Variants in ZFAT observed in about 807,000 individuals in gnomAD.
ZFAT encodes zinc finger protein ZFAT.
Under a neutral mutation model 117.7 loss-of-function variants are expected in ZFAT, and 64 were observed. That is an observed-to-expected ratio of 0.54 (90% CI 0.44 to 0.67). The LOEUF (loss-of-function observed/expected upper bound fraction) is 0.67, where lower values mean the gene tolerates loss of function less well. Among genes scored for constraint, ZFAT ranks in the 30% least tolerant of loss-of-function variants. The pLI is 0.00. For missense variants in ZFAT, 1,433 were observed against 1,584.5 expected (o/e 0.90, Z 1.62); for synonymous variants, 679 against 615.0 (o/e 1.10, Z -1.54).
At chr8:134,739,612 A>C in the ZFAT span, among the ~76,000 whole-genome samples, 1 of 152,222 alleles carries the variant, frequency 6.6e-6, no homozygotes, top group Non-Finnish European at 1.5e-5. Context: ...AATGAGATGC[A>C]GAGATACAGG....
Position 134,512,573 on chromosome 8 carries a change from G to A in ZFAT, c.3263C>T (p.Ser1088Phe). 1 of 1,613,870 alleles carries A rather than the reference G, an allele frequency of 6.2e-7. No individual in the cohort carries two copies. Among genetic ancestry groups the A allele is most frequent in the East Asian group, 2.2e-5 (1 of 44,884 alleles). Reference protein sequence around the residue: ...ETATEAPEEPSTQYLHITEAE... With the variant: ...ETATEAPEEPFTQYLHITEAE... ...CTCTGTGATGTGGAGATACTGGGTG[G>A]AGGGCTCCTCAGGAGCTTCTGTTGC... is the stretch of plus-strand genomic sequence containing the variant. Residue 1088 changes from serine to phenylalanine, a missense_variant, in exon 14 of 16, where the codon TCC (serine) becomes TTC (phenylalanine). Physicochemically the swap from Ser to Phe is radical, Grantham distance 155. Coordinates refer to ENST00000377838, the MANE Select transcript of ZFAT (RefSeq NM_020863.4).
At chr8:134,832,152 G>A in the ZFAT span, among the ~76,000 whole-genome samples, 1 of 150,628 alleles carries the variant, frequency 6.6e-6, no homozygotes, top group African/African-American at 2.4e-5. Flanking sequence ...GCGGGGGGCA[G>A]GGGGCGCGGC....
intron 1 of ZFAT, among the ~76,000 whole-genome samples, chr8:134,704,641 T>C (rs577945956): frequency 7.2e-5 from 11 of 152,302 alleles, no homozygotes; most frequent in African/African-American, 2.2e-4. Context: ...ATCAAGGCAG[T>C]GTGGTACTGA....
the ZFAT span, chr8:134,800,563 G>C: frequency 2.7e-5 from 14 of 517,980 alleles, no homozygotes; most frequent in Middle Eastern, 1.3e-3. Flanking sequence ...GCCAATCCAT[G>C]TATTACAGCT....
intron 1 of ZFAT, among the ~76,000 whole-genome samples, chr8:134,662,587 G>A (rs1831987063): frequency 6.6e-6 from 1 of 152,168 alleles, no homozygotes; most frequent in African/African-American, 2.4e-5. Flanking sequence ...GCCTGGGGAA[G>A]GTTTGCTCTA....
At chr8:134,819,497 C>G in the ZFAT span, among the ~76,000 whole-genome samples, 2 of 15,046 alleles carry the variant, frequency 1.3e-4, no homozygotes, top group Non-Finnish European at 2.7e-4. Flanking sequence ...GGATTTACCA[C>G]CCCCCCCCCC....
intron 7 of ZFAT, among the ~76,000 whole-genome samples, chr8:134,590,596 C>A (rs1220065565): frequency 6.6e-6 from 1 of 151,312 alleles, no homozygotes; most frequent in African/African-American, 2.4e-5. Context: ...ATCATCACCA[C>A]CACCAGCACT....
chr8:134,640,390 T>A (rs949604959), intron 2 of ZFAT, among the ~76,000 whole-genome samples: 1 of 152,150 alleles, frequency 6.6e-6, no homozygotes, highest in African/African-American at 2.4e-5. Context: ...AAACTTACTA[T>A]TGCGGGGTAG....
chr8:134,509,871 G>T, intron 14 of ZFAT, 122 bp from the exon 15 acceptor site: 3 of 1,252,312 alleles, frequency 2.4e-6, no homozygotes, highest in Non-Finnish European at 3.3e-6. Flanking sequence ...TGGGCTCTCC[G>T]TAATCGCTCA....
At position 134,695,638 on chromosome 8, in the gene ZFAT, G is replaced by A. The variant is rs184724723; in HGVS notation, c.19+17207C>T. The stretch of plus-strand genomic sequence containing the variant: ...TGCCCGCATCTCTAACCAAGGTGGC[G>A]CCACTCCCCAAGCCTGGGTCATCTC... On this transcript the variant is annotated intron_variant, in intron 1 of 15. Coordinates refer to ENST00000377838, the MANE Select transcript of ZFAT (RefSeq NM_020863.4). Among the ~76,000 whole-genome samples, 534 of 139,928 alleles carry A rather than the reference G, an allele frequency of 3.8e-3. 4 individuals carry two copies. Among genetic ancestry groups the A allele is most frequent in the Middle Eastern group, 0.015 (3 of 198 alleles). 91.8% of individuals were successfully genotyped at this position (139,928 alleles called of 152,430 possible). A position where few individuals can be genotyped will look rare whatever the true frequency, so the allele number is the denominator to read the frequency against.
chr8:134,616,221 G>T (rs1195742715), intron 3 of ZFAT, among the ~76,000 whole-genome samples: 1 of 152,188 alleles, frequency 6.6e-6, no homozygotes, highest in Admixed American at 6.5e-5. Flanking sequence ...CTCATCCCCA[G>T]CATTAGGTCT....
intron 1 of ZFAT, among the ~76,000 whole-genome samples, chr8:134,711,836 G>A (rs368817614): frequency 3.3e-5 from 5 of 152,244 alleles, no homozygotes; most frequent in East Asian, 3.9e-4. Context: ...TTGAACTAAA[G>A]TCAGGAAAGG....
At chr8:134,773,376 C>T in the ZFAT span, among the ~76,000 whole-genome samples, 2 of 152,308 alleles carry the variant, frequency 1.3e-5, no homozygotes, top group African/African-American at 4.8e-5. Flanking sequence ...ACCACTGCTG[C>T]TTGTTGACAA....
the ZFAT span, among the ~76,000 whole-genome samples, chr8:134,803,069 T>C: frequency 1.3e-5 from 2 of 152,188 alleles, no homozygotes; most frequent in African/African-American, 4.8e-5. Context: ...ATAGAACAAA[T>C]GTTACATAAC....
At chr8:134,629,183 T>C (rs1829718593) in intron 3 of ZFAT, among the ~76,000 whole-genome samples, 1 of 152,142 alleles carries the variant, frequency 6.6e-6, no homozygotes, top group African/African-American at 2.4e-5. Context: ...TGGGGGCCAG[T>C]CAGCAGGATG....
At position 134,710,739 on chromosome 8, in the gene ZFAT, AAT is replaced by A. The variant is rs1813962405; in HGVS notation, c.19+2104_19+2105del. 7.9e-5 allele frequency among the ~76,000 whole-genome samples: 12 copies of A among 152,362 alleles called. No individual in the cohort carries two copies. The South Asian group carries it at 2.5e-3, about 32-fold the overall frequency. On this transcript the variant is annotated intron_variant, in intron 1 of 15. Transcript: ENST00000377838. ...ACACACAGTCTGAAGGTAATTTTACAATATTTTTAATTTTGATCATGAAACAA... is the reference window on the plus strand; with the variant it reads ...ACACACAGTCTGAAGGTAATTTTACAATTTTTAATTTTGATCATGAAACAA...
chr8:134,782,838 T>C, the ZFAT span, among the ~76,000 whole-genome samples: 201 of 152,214 alleles, frequency 1.3e-3, 2 homozygotes, highest in East Asian at 0.027. Flanking sequence ...AGCATGAAAA[T>C]GGACTAATAC....
intron 1 of ZFAT, among the ~76,000 whole-genome samples, chr8:134,678,480 G>C (rs1006260601): frequency 6.6e-6 from 1 of 152,182 alleles, no homozygotes; most frequent in African/African-American, 2.4e-5. Context: ...TGGATAGGAA[G>C]AATCAATATT....
chr8:134,645,073 T>A (rs1830803765), intron 2 of ZFAT, among the ~76,000 whole-genome samples: 2 of 152,110 alleles, frequency 1.3e-5, no homozygotes, highest in South Asian at 4.1e-4. Context: ...AGCCAGAGGT[T>A]TGATGAGGAA....
Sources: allele counts gnomAD v4.1 joint callset (sites outside exome capture counted in the v4.1 genomes callset), GRCh38; gene constraint gnomAD v4.1.1; transcripts MANE v1.5; gene names NCBI Gene and HGNC (gene_info 2026-07-23, HGNC 2026-07-21).